The following INPP4A variants were observed in gnomAD, a reference collection of about 807,000 sequenced individuals.
INPP4A encodes the protein inositol polyphosphate-4-phosphatase, type I, 107kD.
In INPP4A, 33 loss-of-function variants were observed where a neutral mutation model predicts 119.8. The observed-to-expected ratio is 0.28, with a 90% CI of 0.21 to 0.37. The LOEUF (loss-of-function observed/expected upper bound fraction) is 0.37. INPP4A is among the 10% of genes least tolerant of loss of function. INPP4A has a pLI of 1.00. For missense variants in INPP4A, 956 were observed against 1,289.9 expected, an observed-to-expected ratio of 0.74 and a Z score of 3.97; for synonymous variants, 496 against 500.7, an observed-to-expected ratio of 0.99 and a Z score of 0.12.
At chr2:98,561,132 A>G (rs1471535276) in intron 17 of INPP4A, among the ~76,000 whole-genome samples, 2 of 152,212 alleles carry the variant, frequency 1.3e-5, no homozygotes, top group African/African-American at 2.4e-5. Context: ...AAAATGCAGA[A>G]GCAAAGTACG....
At chr2:98,491,832 G>A (rs181757554) in intron 1 of INPP4A, among the ~76,000 whole-genome samples, 66 of 152,198 alleles carry the variant, frequency 4.3e-4, no homozygotes, top group African/African-American at 1.6e-3. Flanking sequence ...GATGCTCCTC[G>A]ACTTAACGAT....
intron 1 of INPP4A, among the ~76,000 whole-genome samples, chr2:98,483,779 G>A (rs957400596): frequency 5.3e-5 from 8 of 152,116 alleles, no homozygotes; most frequent in Non-Finnish European, 1.0e-4. Context: ...ATGGATGGTT[G>A]AGAGGGAGAC....
chr2:98,479,741 T>C (rs1424561113), intron 1 of INPP4A, among the ~76,000 whole-genome samples: 1 of 152,228 alleles, frequency 6.6e-6, no homozygotes, highest in Non-Finnish European at 1.5e-5. Flanking sequence ...AACAGATTTC[T>C]TCCTGTCCTT....
At chr2:98,497,965 C>A (rs571912547) in intron 1 of INPP4A, among the ~76,000 whole-genome samples, 1 of 152,334 alleles carries the variant, frequency 6.6e-6, no homozygotes, top group South Asian at 2.1e-4. Flanking sequence ...AAGTAACTAA[C>A]TTGCTTTTGA....
At chr2:98,490,722 TGG>T (rs1339206381) in intron 1 of INPP4A, among the ~76,000 whole-genome samples, 1 of 152,224 alleles carries the variant, frequency 6.6e-6, no homozygotes, top group African/African-American at 2.4e-5. Flanking sequence ...GTGTGACGCC[TGG>T]GCCTCCGAGT....
chr2:98,526,434 T>G (rs534108113), intron 4 of INPP4A, among the ~76,000 whole-genome samples: 2 of 152,228 alleles, frequency 1.3e-5, no homozygotes, highest in African/African-American at 2.4e-5. Context: ...AATTAATTTT[T>G]GGAAATAAAA....
Position 98,590,846 on chromosome 2 carries a change from A to G in INPP4A, c.*3238A>G, listed in dbSNP as rs550257980. 4.4e-6 allele frequency: 1 copy of G among 229,814 alleles called. No homozygotes were observed. Among genetic ancestry groups the G allele is most frequent in the South Asian group, 1.8e-4 (1 of 5,496 alleles). 14.2% of individuals were successfully genotyped at this position (229,814 alleles called of 1,614,324 possible). ...AATTTAAGCTACCACCAAAAATAACATGTGCCTTTTCCCTTTATTCTCATT... is the reference window on the plus strand; with the variant it reads ...AATTTAAGCTACCACCAAAAATAACGTGTGCCTTTTCCCTTTATTCTCATT... On this transcript the variant is annotated 3_prime_UTR_variant, in exon 25 of 25. Transcript: ENST00000409851.
intron 24 of INPP4A, among the ~76,000 whole-genome samples, chr2:98,580,281 CCAGG>C (rs1410958498): frequency 6.6e-6 from 1 of 152,156 alleles, no homozygotes; most frequent in Non-Finnish European, 1.5e-5. Flanking sequence ...AAGCTGGCAC[CCAGG>C]CTTTTCTCCT....
At chr2:98,563,669 CG>C in intron 18 of INPP4A, 32 bp downstream of exon 18, 1 of 1,606,250 alleles carries the variant, frequency 6.2e-7, no homozygotes, top group Admixed American at 1.7e-5. Context: ...AGGGAGACCA[CG>C]GGCACCTCTC....
At chr2:98,544,126 C>G in intron 11 of INPP4A, 119 bp downstream of exon 11, 1 of 879,334 alleles carries the variant, frequency 1.1e-6, no homozygotes, top group Non-Finnish European at 1.7e-6. Flanking sequence ...CACAGGGTCA[C>G]TTACACATTC....
chr2:98,564,560 G>A (rs1453096222), intron 18 of INPP4A, 80 bp from the exon 19 acceptor site: 1 of 1,555,506 alleles, frequency 6.4e-7, no homozygotes, highest in Non-Finnish European at 8.8e-7. Flanking sequence ...GAAGGGGGCG[G>A]TGGGGGGCTG....
intron 13 of INPP4A, among the ~76,000 whole-genome samples, chr2:98,548,285 G>A (rs1692844237): frequency 6.6e-6 from 1 of 152,204 alleles, no homozygotes; most frequent in Non-Finnish European, 1.5e-5. Flanking sequence ...TCATTCCCAG[G>A]GGTGCTTCCC....
Position 98,570,851 on chromosome 2 carries a change from C to T in INPP4A, c.2519-1964C>T, listed in dbSNP as rs1044948495. 2.0e-5 allele frequency among the ~76,000 whole-genome samples: 3 copies of T among 152,150 alleles called. No individual in the cohort carries two copies. The highest frequency in any genetic ancestry group is 4.8e-5 in the African/African-American group (2 of 41,428). ...CTGCTCAACATGAGAGAGGTGAGCA[C>T]AGAACCGGGGCCTTGAGGGGAGTGG... On this transcript the variant is annotated intron_variant, in intron 22 of 24. Transcript: ENST00000409851. This position sits in a 1 kb window ranked among gnomAD's most constrained non-coding sequence, Gnocchi z 4.3.
rs139563045 is a variant in INPP4A, at chr2:98,580,703, C to T, written c.2786+3560C>T. On this transcript the variant is annotated intron_variant, in intron 24 of 24. Coordinates refer to ENST00000409851, the MANE Select transcript of INPP4A (RefSeq NM_001134225.2). Reference sequence around the variant, plus strand: ...GGGGAGGGCTCTGTGTGAAGAGGAACCCTGGGCCTCCTGCCTCCCCATCTC... The same window carrying T: ...GGGGAGGGCTCTGTGTGAAGAGGAATCCTGGGCCTCCTGCCTCCCCATCTC... Among the ~76,000 whole-genome samples, 100 of 152,334 alleles carry T rather than the reference C, an allele frequency of 6.6e-4. 1 individual carries two copies. The highest frequency in any genetic ancestry group is 2.1e-3 in the African/African-American group (89 of 41,588).
At chr2:98,448,601 C>T (rs188199137) in intron 1 of INPP4A, among the ~76,000 whole-genome samples, 3 of 151,930 alleles carry the variant, frequency 2.0e-5, no homozygotes, top group Non-Finnish European at 2.9e-5. Context: ...AAGATAATGC[C>T]CTCAATTGGG....
intron 1 of INPP4A, among the ~76,000 whole-genome samples, chr2:98,458,747 C>T (rs1237610726): frequency 6.6e-6 from 1 of 152,098 alleles, no homozygotes; most frequent in Non-Finnish European, 1.5e-5. Context: ...GTGTTGGGAC[C>T]CCTAAGTATG....
At position 98,484,458 on chromosome 2, in the gene INPP4A, G is replaced by C. The variant is rs750912500; in HGVS notation, c.-165-34506G>C. On this transcript the variant is annotated intron_variant, in intron 1 of 24. Coordinates refer to ENST00000409851, the MANE Select transcript of INPP4A (RefSeq NM_001134225.2). ...CTCAAAGTCCAGAATGCAGTCACGT[G>C]ACTGGGGTGGGAAGCCATGCACAGG... is the stretch of plus-strand genomic sequence containing the variant. Among the ~76,000 whole-genome samples the C allele has an allele frequency of 2.0e-5, 3 of 152,146 alleles. No homozygotes were observed. The East Asian group carries it at 5.8e-4, about 29-fold the overall frequency.
chr2:98,502,152 A>AG (rs1683247429), intron 1 of INPP4A, among the ~76,000 whole-genome samples: 1 of 152,214 alleles, frequency 6.6e-6, no homozygotes, highest in African/African-American at 2.4e-5. Context: ...TGAGGGCATT[A>AG]GGTGATACCT....
At chr2:98,581,997 G>A (rs984030538) in intron 24 of INPP4A, among the ~76,000 whole-genome samples, 9 of 151,998 alleles carry the variant, frequency 5.9e-5, no homozygotes, top group South Asian at 2.1e-4. Context: ...ATGTTCTTAC[G>A]GTGCCCTGTC....
Sources: gnomAD v4.1 joint callset for allele counts (sites outside exome capture counted in the v4.1 genomes callset) on GRCh38, gnomAD v4.1.1 for gene constraint, Gnocchi (gnomAD v3.1) non-coding constraint, MANE v1.5 for transcripts, NCBI Gene and HGNC (gene_info 2026-07-23, HGNC 2026-07-21) for gene names.